RELN: variants seen among roughly 807,000 people sequenced by gnomAD.
RELN encodes reelin.
RELN carries 108 observed loss-of-function variants against 427.6 expected under a neutral mutation model. That is an observed-to-expected ratio of 0.25 (90% confidence interval 0.22 to 0.30). The LOEUF (loss-of-function observed/expected upper bound fraction) is 0.30, where lower values mean the gene tolerates loss of function less well. Among genes scored for constraint, RELN ranks in the 10% least tolerant of loss-of-function variants. The probability of loss-of-function intolerance (pLI) is 1.00; values close to 1 mark genes in which losing one functional copy is unlikely to be tolerated. For synonymous variants in RELN, 1,524 were observed against 1,513.4 expected, an observed-to-expected ratio of 1.01 and a Z score of -0.16; for missense variants, 3,715 against 4,302.8, an observed-to-expected ratio of 0.86 and a Z score of 3.82.
rs200243900 is a variant in RELN at position 103,749,514 on chromosome 7, A to T, written c.578-10T>A. The stretch of plus-strand genomic sequence containing the variant: ...TCACTATGTATTTCAGCTAAAAGAA[A>T]AAGGAAGTATTTAGGAAAGAAATAT... On this transcript the variant is annotated splice_polypyrimidine_tract_variant and intron_variant, in intron 5 of 64. Transcript: ENST00000428762. The T allele has an allele frequency of 1.9e-6, 3 of 1,594,484 alleles. No homozygotes were observed. Among genetic ancestry groups the T allele is most frequent in the Admixed American group, 1.7e-5 (1 of 60,006 alleles).
At chr7:103,638,611 T>C (rs1319966389) in intron 17 of RELN, among the ~76,000 whole-genome samples, 1 of 152,140 alleles carries the variant, frequency 6.6e-6, no homozygotes, top group Non-Finnish European at 1.5e-5. Flanking sequence ...GAAAAGGAGG[T>C]AGTAGTCAAA....
chr7:103,764,614 G>A (rs1297016340), intron 4 of RELN, among the ~76,000 whole-genome samples: 1 of 151,762 alleles, frequency 6.6e-6, no homozygotes, highest in Non-Finnish European at 1.5e-5. Flanking sequence ...GAGGCGAGTG[G>A]ATCATGAGAT....
Position 103,575,705 on chromosome 7 carries a change from G to C in RELN, c.4146C>G (p.Ser1382Arg), listed in dbSNP as rs779713960. 3.1e-6 allele frequency: 5 copies of C among 1,613,952 alleles called. No homozygotes were observed. Among genetic ancestry groups the C allele is most frequent in the African/African-American group, 1.3e-5 (1 of 74,888 alleles). ...TIVIPRSLAS[S>R]KTRFRWIQES... ...CCTGGATCCATCGGAATCTGGTCTT[G>C]CTGTTGGGAAAAACAACACACCTGT... Residue 1382 changes from serine to arginine, a missense_variant and splice_region_variant, in exon 29 of 65, where the codon AGC (serine) becomes AGG (arginine). Ser to Arg is a moderately radical substitution (Grantham distance 110). Coordinates refer to ENST00000428762, the MANE Select transcript of RELN (RefSeq NM_005045.4).
Position 103,603,596 on chromosome 7 carries a change from C to A in RELN, c.3147-106G>T, listed in dbSNP as rs1041858691. The A allele has an allele frequency of 4.7e-6, 4 of 856,158 alleles. No individual in the cohort carries two copies. The highest frequency in any genetic ancestry group is 7.9e-6 in the Non-Finnish European group (4 of 505,600). 53.0% of individuals were successfully genotyped at this position (856,158 alleles called of 1,614,324 possible). On this transcript the variant is annotated intron_variant, in intron 23 of 64. Coordinates refer to ENST00000428762, the MANE Select transcript of RELN (RefSeq NM_005045.4). This position sits in a 1 kb window ranked among gnomAD's most constrained non-coding sequence, Gnocchi z 4.3. Reference sequence around the variant, plus strand: ...TGTCTTACTTTTGCTCAGGTCTTATCATTCACACTAGATTCTTCCCTACAG... The same window carrying A: ...TGTCTTACTTTTGCTCAGGTCTTATAATTCACACTAGATTCTTCCCTACAG...
At chr7:103,985,268 A>G (rs767434155) in intron 1 of RELN, among the ~76,000 whole-genome samples, 2 of 151,672 alleles carry the variant, frequency 1.3e-5, no homozygotes, top group Non-Finnish European at 2.9e-5. Flanking sequence ...CACCAATTCA[A>G]TTCTACTCAA....
intron 4 of RELN, among the ~76,000 whole-genome samples, chr7:103,775,321 T>C (rs941713370): frequency 1.3e-5 from 2 of 151,896 alleles, no homozygotes; most frequent in African/African-American, 4.9e-5. Context: ...CCAGGAATAC[T>C]GATAATATGT....
intron 2 of RELN, among the ~76,000 whole-genome samples, chr7:103,867,017 A>G (rs62482289): frequency 0.14 from 21,859 of 152,096 alleles, 1,878 homozygotes; most frequent in East Asian, 0.34. Flanking sequence ...ATGTAGCTGT[A>G]CTGTTTAAAA....
At chr7:103,971,321 C>T (rs1796760347) in intron 1 of RELN, among the ~76,000 whole-genome samples, 1 of 151,914 alleles carries the variant, frequency 6.6e-6, no homozygotes, top group African/African-American at 2.4e-5. Context: ...AAAGGACAAA[C>T]TGGGGGTTGG....
chr7:103,489,203 GGT>G (rs3051647), intron 60 of RELN, among the ~76,000 whole-genome samples: 149 of 147,478 alleles, frequency 1.0e-3, no homozygotes, highest in East Asian at 9.2e-3. Flanking sequence ...GTCATAAAGG[GGT>G]GTGTGTGTGT....
At chr7:103,509,954 A>G (rs551067603) in intron 51 of RELN, among the ~76,000 whole-genome samples, 2 of 152,358 alleles carry the variant, frequency 1.3e-5, no homozygotes, top group East Asian at 3.9e-4. Flanking sequence ...ATCTCACACC[A>G]GTTAGAATGG....
chr7:103,749,662 A>G (rs774327384), intron 5 of RELN, among the ~76,000 whole-genome samples, 158 bp from the exon 6 acceptor site: 13 of 152,216 alleles, frequency 8.5e-5, no homozygotes, highest in Non-Finnish European at 2.9e-5. Flanking sequence ...TCAAACTACT[A>G]AGGGACAAGG....
At position 103,523,414 on chromosome 7, in the gene RELN, C is replaced by G. The variant is rs774835068; in HGVS notation, c.7467G>C (p.Gly2489=). Residue 2489 remains glycine, a synonymous_variant, in exon 47 of 65, where the codon GGG becomes GGC. Transcript: ENST00000428762. The part of the protein sequence containing the change: ...DGCIDMCSGH[G]RCIQGNCVCD... ...ACACGCAGTTTCCCTGGATGCATCT[C>G]CCATGGCCACTGCACATGTCTATGC... is the stretch of plus-strand genomic sequence containing the variant. The G allele has an allele frequency of 6.2e-7, 1 of 1,614,056 alleles. No homozygotes were observed. Among genetic ancestry groups the G allele is most frequent in the Non-Finnish European group, 8.5e-7 (1 of 1,180,050 alleles).
chr7:103,833,068 A>G (rs111927989), intron 3 of RELN, among the ~76,000 whole-genome samples: 2,614 of 152,300 alleles, frequency 0.017, 40 homozygotes, highest in Non-Finnish European at 0.024. Flanking sequence ...GATTAAATCA[A>G]GCAAATTAAC....
rs906892599 is a variant in RELN at position 103,841,239 on chromosome 7, A to T, written c.338-7567T>A. On this transcript the variant is annotated intron_variant, in intron 2 of 64. Coordinates refer to ENST00000428762, the MANE Select transcript of RELN (RefSeq NM_005045.4). Reference sequence around the variant, plus strand: ...TTTCTTTTGCATATTGTGTACAAACATCTTAAAAAAGAATCATAACTTTGC... The same window carrying T: ...TTTCTTTTGCATATTGTGTACAAACTTCTTAAAAAAGAATCATAACTTTGC... Among the ~76,000 whole-genome samples, 5 of 152,334 alleles carry T rather than the reference A, an allele frequency of 3.3e-5. No individual in the cohort carries two copies. The South Asian group carries it at 6.2e-4, about 19-fold the overall frequency.
intron 2 of RELN, among the ~76,000 whole-genome samples, chr7:103,839,384 T>C (rs1169016691): frequency 1.3e-5 from 2 of 149,172 alleles, no homozygotes; most frequent in Non-Finnish European, 3.0e-5. Flanking sequence ...TTTGAGAACA[T>C]GTAAACATCA....
intron 4 of RELN, among the ~76,000 whole-genome samples, chr7:103,773,113 TTTCTTTCTTTCTTTC>T (rs1282061078): frequency 5.9e-4 from 32 of 54,002 alleles, no homozygotes; most frequent in African/African-American, 1.6e-3. Context: ...TCTTTCTTTC[TTTCTTTCTTTCTTTC>T]TTTCTTTCTT....
chr7:103,531,561 C>T (rs1829941059), intron 46 of RELN, among the ~76,000 whole-genome samples: 1 of 152,130 alleles, frequency 6.6e-6, no homozygotes, highest in South Asian at 2.1e-4. Flanking sequence ...TTCAGCCCTG[C>T]TCTTCTCAAG....
intron 5 of RELN, among the ~76,000 whole-genome samples, chr7:103,750,467 C>T (rs1422053560): frequency 6.6e-6 from 1 of 152,134 alleles, no homozygotes; most frequent in Non-Finnish European, 1.5e-5. Context: ...TTGGGTATGT[C>T]TTTATTAGCA....
At chr7:103,936,721 C>T (rs533860641) in intron 1 of RELN, among the ~76,000 whole-genome samples, 3 of 105,074 alleles carry the variant, frequency 2.9e-5, no homozygotes, top group African/African-American at 7.3e-5. Flanking sequence ...CGCACACACA[C>T]ACACAGACAG....
Sources: gnomAD v4.1 joint callset for allele counts (sites outside exome capture counted in the v4.1 genomes callset) on GRCh38, gnomAD v4.1.1 for gene constraint, Gnocchi (gnomAD v3.1) non-coding constraint, MANE v1.5 for transcripts, NCBI Gene and HGNC (gene_info 2026-07-23, HGNC 2026-07-21) for gene names.